The following CLSTN1 variants were observed in gnomAD, a reference collection of about 807,000 sequenced individuals.
CLSTN1 encodes calsyntenin-1.
In CLSTN1, 28 loss-of-function variants were observed where a neutral mutation model predicts 108.3. The ratio of observed to expected loss-of-function variants is 0.26; its 90% CI spans 0.19 to 0.35. The LOEUF (loss-of-function observed/expected upper bound fraction) is 0.35, where lower values mean the gene tolerates loss of function less well. Among genes scored for constraint, CLSTN1 ranks in the 10% least tolerant of loss-of-function variants. The pLI, the probability that CLSTN1 is intolerant of heterozygous loss-of-function variation, is 1.00. For missense variants in CLSTN1, 1,157 were observed against 1,302.6 expected (o/e 0.89, Z 1.72); for synonymous variants, 524 against 534.9 (o/e 0.98, Z 0.28).
At position 9,737,919 on chromosome 1, in the gene CLSTN1, C is replaced by T. The variant is rs757048332; in HGVS notation, c.1520-365G>A. On this transcript the variant is annotated intron_variant, in intron 10 of 18. Coordinates refer to ENST00000377298, the MANE Select transcript of CLSTN1 (RefSeq NM_001009566.3). ...AGGCTGAGCCTGGGCTGCAATGCTG[C>T]TCCCGATATAAACACCACCAAGTTC... 8.9e-4 allele frequency among the ~76,000 whole-genome samples: 136 copies of T among 152,212 alleles called. 2 individuals carry two copies. The highest frequency in any genetic ancestry group is 2.4e-4 in the Non-Finnish European group (16 of 68,046).
rs535575565 is a variant in CLSTN1 at position 9,744,558 on chromosome 1, G to T, written c.1071C>A (p.His357Gln). Residue 357 changes from histidine to glutamine, a missense_variant, in exon 8 of 19, where the codon CAC becomes CAA. By Grantham distance (24) the His-to-Gln change is conservative (BLOSUM62 0). Transcript: ENST00000377298. Reference protein sequence around the residue: ...WTMGLPTDNGHDSDQVFEFNG... With the variant: ...WTMGLPTDNGQDSDQVFEFNG... ...TGAACTCAAACACCTGGTCGCTGTC[G>T]TGGCCATTGTCGGTGGGCAGGCCCA... 3 of 1,613,576 alleles carry T rather than the reference G, an allele frequency of 1.9e-6. No individual in the cohort carries two copies. Among genetic ancestry groups the T allele is most frequent in the Non-Finnish European group, 2.5e-6 (3 of 1,179,980 alleles).
intron 1 of CLSTN1, among the ~76,000 whole-genome samples, chr1:9,787,095 G>A (rs1290110425): frequency 6.6e-6 from 1 of 151,164 alleles, no homozygotes; most frequent in East Asian, 2.0e-4. Context: ...GCAGTTTAGA[G>A]TCTAGGTATC....
At chr1:9,778,223 AACACACACACACACACACACACACACAC>A (rs57372437) in intron 1 of CLSTN1, among the ~76,000 whole-genome samples, 7 of 134,430 alleles carry the variant, frequency 5.2e-5, no homozygotes, top group Non-Finnish European at 4.8e-5. Context: ...TCTCCTCCCC[AACACACACACACACACACACACACACAC>A]ACACACACAC....
intron 1 of CLSTN1, among the ~76,000 whole-genome samples, chr1:9,816,538 A>ATTT: frequency 7.7e-6 from 1 of 129,102 alleles, no homozygotes; most frequent in East Asian, 2.0e-4. Context: ...AGCTGCTTTA[A>ATTT]AAAAAAAAAA....
At chr1:9,790,252 TTAAG>T (rs1385273324) in intron 1 of CLSTN1, among the ~76,000 whole-genome samples, 1 of 151,450 alleles carries the variant, frequency 6.6e-6, no homozygotes, top group Non-Finnish European at 1.5e-5. Flanking sequence ...TTTTTCACCT[TTAAG>T]TATGTTTATT....
chr1:9,818,070 T>G (rs1386182773), intron 1 of CLSTN1, among the ~76,000 whole-genome samples: 6 of 147,716 alleles, frequency 4.1e-5, no homozygotes, highest in Non-Finnish European at 7.4e-5. Flanking sequence ...GCAAGTGGTG[T>G]GACCTTGGCT....
rs1650748851 is a variant in CLSTN1, at chr1:9,737,366, C to T, written c.1576+132G>A. 19 of 790,744 alleles carry T rather than the reference C, an allele frequency of 2.4e-5. No homozygotes were observed. In the South Asian group the frequency reaches 2.8e-4, roughly 12 times the overall value. 49.0% of individuals were successfully genotyped at this position (790,744 alleles called of 1,614,324 possible). A position where few individuals can be genotyped will look rare whatever the true frequency, so the allele number is the denominator to read the frequency against. ...AACTCCATGAAGCAATGGGGAAGCG[C>T]AATGCAGGGAAGCAGCTCAGATGGT... On this transcript the variant is annotated intron_variant, in intron 11 of 18. Coordinates refer to ENST00000377298, the MANE Select transcript of CLSTN1 (RefSeq NM_001009566.3).
chr1:9,823,157 G>A lies in CLSTN1; in HGVS notation c.91+486C>T, dbSNP rs1317903392. 6.6e-6 allele frequency among the ~76,000 whole-genome samples: 1 copy of A among 152,182 alleles called. No individual in the cohort carries two copies. Among genetic ancestry groups the A allele is most frequent in the African/African-American group, 2.4e-5 (1 of 41,444 alleles). On this transcript the variant is annotated intron_variant, in intron 1 of 18. Coordinates refer to ENST00000377298, the MANE Select transcript of CLSTN1 (RefSeq NM_001009566.3). The surrounding 1 kb of genome is among the most constrained non-coding windows in gnomAD (Gnocchi z 6.3). ...GGGATGCGGAGGAGTGGGCTCTTAT[G>A]TAAGCACACACCAAAACTGTGCGTG...
intron 2 of CLSTN1, among the ~76,000 whole-genome samples, chr1:9,769,013 G>A (rs996291518): frequency 2.1e-5 from 3 of 140,138 alleles, no homozygotes; most frequent in Non-Finnish European, 3.1e-5. Flanking sequence ...GGAACAGAAG[G>A]AGGGAATGAG....
In CLSTN1 at chr1:9,730,740, C is replaced by A. The variant is rs1477480608; in HGVS notation, c.2749-35G>T. 9 of 1,551,066 alleles carry A rather than the reference C, an allele frequency of 5.8e-6. No individual in the cohort carries two copies. The Admixed American group carries it at 1.3e-4, about 23-fold the overall frequency. On this transcript the variant is annotated intron_variant, in intron 18 of 18. Coordinates refer to ENST00000377298, the MANE Select transcript of CLSTN1 (RefSeq NM_001009566.3). The surrounding 1 kb of genome is among the most constrained non-coding windows in gnomAD (Gnocchi z 5.6). ...AGAAGTGACGGCCACATGAGTCCGG[C>A]CCTGCCCACAGCCCCGTCACCTGGC...
chr1:9,732,282 T>C (rs1650444120), intron 16 of CLSTN1, among the ~76,000 whole-genome samples: 1 of 152,164 alleles, frequency 6.6e-6, no homozygotes, highest in Non-Finnish European at 1.5e-5. Flanking sequence ...CACTGCAGCC[T>C]GGAACTTCCC....
At chr1:9,744,729 C>A in intron 7 of CLSTN1, 86 bp from the exon 8 acceptor site, 1 of 1,403,788 alleles carries the variant, frequency 7.1e-7, no homozygotes. Flanking sequence ...TTGTCTTACA[C>A]TTAGGCAATC....
rs749984511 is a variant in CLSTN1 at position 9,731,220 on chromosome 1, C to T, written c.2734G>A (p.Val912Ile). Residue 912 changes from valine (V) to isoleucine (I), a missense_variant, in exon 18 of 19, where the codon GTC becomes ATC. Physicochemically the swap from Val to Ile is conservative, Grantham distance 29 (BLOSUM62 3). Transcript: ENST00000377298. ...DWDDSALTIT[V>I]NPMETYEDQH... ...CCCACTCCTACCTCCATGGGGTTGACGGTGATGGTCAGGGCAGAGTCGTCC... is the reference window on the plus strand; with the variant it reads ...CCCACTCCTACCTCCATGGGGTTGATGGTGATGGTCAGGGCAGAGTCGTCC... 35 of 1,614,104 alleles carry T rather than the reference C, an allele frequency of 2.2e-5. No homozygotes were observed. The highest frequency in any genetic ancestry group is 4.0e-5 in the African/African-American group (3 of 74,952).
At chr1:9,774,214 A>C (rs1212449338) in intron 1 of CLSTN1, among the ~76,000 whole-genome samples, 2 of 152,178 alleles carry the variant, frequency 1.3e-5, no homozygotes, top group South Asian at 2.1e-4. Context: ...TAAAGTATTA[A>C]AATAAAACTC....
chr1:9,805,727 T>C, intron 1 of CLSTN1, among the ~76,000 whole-genome samples: 1 of 150,758 alleles, frequency 6.6e-6, no homozygotes, highest in Non-Finnish European at 1.5e-5. Context: ...ATTAACCAGG[T>C]GTGGTGGTGC....
intron 2 of CLSTN1, among the ~76,000 whole-genome samples, chr1:9,773,029 T>A (rs1652765052): frequency 6.6e-6 from 1 of 151,954 alleles, no homozygotes; most frequent in South Asian, 2.1e-4. Flanking sequence ...CTGGCTACAT[T>A]AAGATAAAGA....
chr1:9,787,685 A>C lies in CLSTN1; in HGVS notation c.92-14291T>G, dbSNP rs188965772. 1.6e-3 allele frequency among the ~76,000 whole-genome samples: 247 copies of C among 151,532 alleles called. 2 individuals carry two copies. The highest frequency in any genetic ancestry group is 5.6e-3 in the African/African-American group (234 of 41,530). ...CCAAAGTGCTGGGATTACAGGCGTGAGCCTTCTAATTTTTCCTCCAAATTC... is the reference window on the plus strand; with the variant it reads ...CCAAAGTGCTGGGATTACAGGCGTGCGCCTTCTAATTTTTCCTCCAAATTC... On this transcript the variant is annotated intron_variant, in intron 1 of 18. Coordinates refer to ENST00000377298, the MANE Select transcript of CLSTN1 (RefSeq NM_001009566.3).
At chr1:9,753,643 C>T (rs1431224578) in intron 4 of CLSTN1, among the ~76,000 whole-genome samples, 1 of 152,020 alleles carries the variant, frequency 6.6e-6, no homozygotes, top group Non-Finnish European at 1.5e-5. Context: ...AGGCGCGTGC[C>T]ACCATGCCTG....
chr1:9,750,402 A>T (rs1467846710), intron 5 of CLSTN1, among the ~76,000 whole-genome samples: 1 of 152,016 alleles, frequency 6.6e-6, no homozygotes, highest in Admixed American at 6.6e-5. Flanking sequence ...AAGATTCTAG[A>T]CCGTGCATTG....
Sources: gnomAD v4.1 joint callset for allele counts (sites outside exome capture counted in the v4.1 genomes callset) on GRCh38, gnomAD v4.1.1 for gene constraint, Gnocchi (gnomAD v3.1) non-coding constraint, MANE v1.5 for transcripts, NCBI Gene and HGNC (gene_info 2026-07-23, HGNC 2026-07-21) for gene names.